GRID2IP: variants seen among roughly 807,000 people sequenced by gnomAD.
GRID2IP encodes Grid2 interacting protein, also known as delphilin.
GRID2IP carries 78 observed loss-of-function variants against 114.3 expected under a neutral mutation model. That is an observed-to-expected ratio of 0.68 (90% CI 0.57 to 0.82). The LOEUF (loss-of-function observed/expected upper bound fraction) is 0.82. GRID2IP is among the 40% of genes least tolerant of loss of function. The probability of loss-of-function intolerance (pLI) is 0.00; values close to 1 mark genes in which losing one functional copy is unlikely to be tolerated. For synonymous variants in GRID2IP, 809 were observed against 724.0 expected (o/e 1.12, Z -1.89); for missense variants, 1,727 against 1,678.5 (o/e 1.03, Z -0.51).
At chr7:6,549,029 A>C (rs1779929248) in intron 1 of GRID2IP, among the ~76,000 whole-genome samples, 1 of 152,102 alleles carries the variant, frequency 6.6e-6, no homozygotes, top group African/African-American at 2.4e-5. Flanking sequence ...TAGTGAAATA[A>C]AGGCCTTAGG....
Position 6,536,378 on chromosome 7 carries a change from C to T in GRID2IP, c.584+3340G>A, listed in dbSNP as rs1233693355. ...CCAGGTGTCCAGGGCTCCCGCTGCC[C>T]AGGCTCTAAATCGAGCGCGCCCAAG... On this transcript the variant is annotated intron_variant, in intron 2 of 21. Coordinates refer to ENST00000457091, the MANE Select transcript of GRID2IP (RefSeq NM_001145118.2). The surrounding 1 kb of genome is among the most constrained non-coding windows in gnomAD (Gnocchi z 5.3). 6.6e-6 allele frequency among the ~76,000 whole-genome samples: 1 copy of T among 152,254 alleles called. No homozygotes were observed. Among genetic ancestry groups the T allele is most frequent in the Non-Finnish European group, 1.5e-5 (1 of 68,050 alleles).
Position 6,526,599 on chromosome 7 carries a change from G to A in GRID2IP, c.755C>T (p.Pro252Leu), listed in dbSNP as rs1413542468. ...LLVSTRASAP[P>L]RRPDEPPPRR... ...CGGGGGCGGCTCATCGGGGCGGCGC[G>A]GCGGGGCGCTGGCGCGCGTGGACAC... is the stretch of plus-strand genomic sequence containing the variant. The change falls in exon 3 of 22, where the codon CCG becomes CTG. Residue 252 changes from proline (P) to leucine (L), a missense_variant. Transcript: ENST00000457091. This position sits in a 1 kb window ranked among gnomAD's most constrained non-coding sequence, Gnocchi z 7.6. 1.8e-5 allele frequency: 21 copies of A among 1,192,870 alleles called. No individual in the cohort carries two copies. The highest frequency in any genetic ancestry group is 3.3e-4 in the Middle Eastern group (1 of 3,028). The allele number at this position is 1,192,870 out of a possible 1,614,324, so 73.9% of individuals were successfully genotyped here.
chr7:6,504,670 G>T, intron 15 of GRID2IP, 123 bp downstream of exon 15: 1 of 747,974 alleles, frequency 1.3e-6, no homozygotes, highest in Non-Finnish European at 2.2e-6. Context: ...CCTTCACCGC[G>T]CTGAGCGACA....
chr7:6,520,684 T>C lies in GRID2IP; in HGVS notation c.1162A>G (p.Ser388Gly). 1.9e-6 allele frequency: 3 copies of C among 1,551,666 alleles called. No homozygotes were observed. Among genetic ancestry groups the C allele is most frequent in the Non-Finnish European group, 2.6e-6 (3 of 1,146,988 alleles). ...LQWVAEILPS[S>G]IRVQGRTFSQ... is the part of the protein sequence containing the mutation. ...AAGGTCCTCCCTTGGACCCGGATGC[T>C]GGACGGCAGGATCTCCGCCACCCAC... Residue 388 changes from serine to glycine, a missense_variant, in exon 7 of 22, where the codon AGC becomes GGC. Physicochemically the swap from Ser to Gly is moderately conservative, Grantham distance 56 (BLOSUM62 0). Coordinates refer to ENST00000457091, the MANE Select transcript of GRID2IP (RefSeq NM_001145118.2). The surrounding 1 kb of genome is among the most constrained non-coding windows in gnomAD (Gnocchi z 4.6).
rs926403510 is a variant in GRID2IP at position 6,499,040 on chromosome 7, G to A, written c.3400-812C>T. Among the ~76,000 whole-genome samples the A allele has an allele frequency of 7.2e-5, 11 of 152,182 alleles. 1 individual carries two copies. In the East Asian group the frequency reaches 1.9e-3, roughly 27 times the overall value. On this transcript the variant is annotated intron_variant, in intron 20 of 21. Transcript: ENST00000457091. ...GTCAGTCTTGCAAAAAGATTCAGTG[G>A]CTGAATCGCTATCATTTTTTCAGCA...
rs1786465712 is a variant in GRID2IP at position 6,503,155 on chromosome 7, T to C, written c.2916A>G (p.Ser972=). Reference sequence around the variant, plus strand: ...GCAGGCGTGTCTTGTATTCGGGAACTGACAGCATCTGCCTCGAAGGCAGAG... The same window carrying C: ...GCAGGCGTGTCTTGTATTCGGGAACCGACAGCATCTGCCTCGAAGGCAGAG... ...EPDQFVLQML[S]VPEYKTRLRS... Residue 972 remains serine, a synonymous_variant, in exon 17 of 22, where the codon TCA becomes TCG. Coordinates refer to ENST00000457091, the MANE Select transcript of GRID2IP (RefSeq NM_001145118.2). 3 of 1,524,114 alleles carry C rather than the reference T, an allele frequency of 2.0e-6. No homozygotes were observed. Among genetic ancestry groups the C allele is most frequent in the African/African-American group, 1.4e-5 (1 of 72,342 alleles). The allele number at this position is 1,524,114 out of a possible 1,614,324, so 94.4% of individuals were successfully genotyped here.
rs1255382415 is a variant in GRID2IP at position 6,508,110 on chromosome 7, C to T, written c.2419G>A (p.Val807Met). The change falls in exon 13 of 22, where the codon GTG (valine) becomes ATG (methionine). Residue 807 changes from valine to methionine, a missense_variant. By Grantham distance (21) the Val-to-Met change is conservative (BLOSUM62 1). Coordinates refer to ENST00000457091, the MANE Select transcript of GRID2IP (RefSeq NM_001145118.2). The surrounding 1 kb of genome is among the most constrained non-coding windows in gnomAD (Gnocchi z 5.6). ...PPPPPPLPPP[V>M]PCAPPMLSRG... ...GACAGCATGGGGGGTGCACAGGGCA[C>T]GGGTGGGGGCAGGGGCGGTGGGGGT... is the stretch of plus-strand genomic sequence containing the variant. The T allele has an allele frequency of 2.3e-4, 78 of 343,638 alleles. No individual in the cohort carries two copies. Among genetic ancestry groups the T allele is most frequent in the South Asian group, 9.0e-4 (31 of 34,326 alleles). 21.3% of individuals were successfully genotyped at this position (343,638 alleles called of 1,614,324 possible). A position where few individuals can be genotyped will look rare whatever the true frequency, so the allele number is the denominator to read the frequency against.
intron 18 of GRID2IP, 97 bp from the exon 19 acceptor site, chr7:6,502,215 A>C: frequency 8.3e-7 from 1 of 1,207,978 alleles, no homozygotes; most frequent in Non-Finnish European, 1.2e-6. Flanking sequence ...ATCAATGATG[A>C]ATTCTTGGCG....
At position 6,521,450 on chromosome 7, in the gene GRID2IP, C is replaced by T; in HGVS notation, c.1063G>A (p.Gly355Arg). ...GAMPTLVVEE[G>R]LVPFASDSDS... The stretch of plus-strand genomic sequence containing the variant: ...TCACCACTGGCAAATGGGACGAGCC[C>T]TTCCTCCACCACCAGCGTGGGCATG... Residue 355 changes from glycine to arginine, a missense_variant, in exon 6 of 22, where the codon GGG becomes AGG. By Grantham distance (125) the Gly-to-Arg change is moderately radical. Coordinates refer to ENST00000457091, the MANE Select transcript of GRID2IP (RefSeq NM_001145118.2). This position sits in a 1 kb window ranked among gnomAD's most constrained non-coding sequence, Gnocchi z 4.1. 12 of 1,548,338 alleles carry T rather than the reference C, an allele frequency of 7.8e-6. No homozygotes were observed. The highest frequency in any genetic ancestry group is 1.0e-5 in the Non-Finnish European group (12 of 1,145,320).
intron 10 of GRID2IP, 36 bp from the exon 11 acceptor site, chr7:6,510,436 C>A: frequency 6.9e-7 from 1 of 1,453,442 alleles, no homozygotes; most frequent in Non-Finnish European, 9.2e-7. Flanking sequence ...GCCCATTCTG[C>A]TTCCCCTCGT....
intron 20 of GRID2IP, 35 bp downstream of exon 20, chr7:6,501,746 C>T: frequency 1.3e-6 from 2 of 1,486,558 alleles, no homozygotes; most frequent in South Asian, 1.2e-5. Context: ...CCCCAGGATC[C>T]AGCCTGGTGC....
chr7:6,538,944 G>T (rs912746419), intron 2 of GRID2IP, among the ~76,000 whole-genome samples: 5 of 152,012 alleles, frequency 3.3e-5, no homozygotes, highest in African/African-American at 1.2e-4. Flanking sequence ...GAAATCAAAG[G>T]GCCAAGAGCA....
intron 1 of GRID2IP, among the ~76,000 whole-genome samples, chr7:6,549,217 GTT>G (rs1490438765): frequency 6.6e-6 from 1 of 152,174 alleles, no homozygotes; most frequent in Non-Finnish European, 1.5e-5. Context: ...TAAATGGCAG[GTT>G]CCTGCAAATC....
intron 4 of GRID2IP, among the ~76,000 whole-genome samples, chr7:6,524,842 G>C (rs1196073939): frequency 6.6e-6 from 1 of 151,546 alleles, no homozygotes; most frequent in Non-Finnish European, 1.5e-5. Context: ...TCAGCCTCCC[G>C]AGTAGCTGGG....
At position 6,523,198 on chromosome 7, in the gene GRID2IP, G is replaced by T. The variant is rs1307398895; in HGVS notation, c.920-1241C>A. 6.6e-6 allele frequency among the ~76,000 whole-genome samples: 1 copy of T among 152,168 alleles called. No homozygotes were observed. The highest frequency in any genetic ancestry group is 1.5e-5 in the Non-Finnish European group (1 of 68,032). On this transcript the variant is annotated intron_variant, in intron 4 of 21. Coordinates refer to ENST00000457091, the MANE Select transcript of GRID2IP (RefSeq NM_001145118.2). The surrounding 1 kb of genome is among the most constrained non-coding windows in gnomAD (Gnocchi z 4.5). ...AATAAAATATACTCTCAGATTGCGA[G>T]AAGTTCTCTCTGGGGGAAGTGGAAA...
Position 6,509,656 on chromosome 7 carries a change from G to A in GRID2IP, c.1772-343C>T, listed in dbSNP as rs750308008. Among the ~76,000 whole-genome samples, 16 of 152,122 alleles carry A rather than the reference G, an allele frequency of 1.1e-4. No individual in the cohort carries two copies. Among genetic ancestry groups the A allele is most frequent in the Non-Finnish European group, 2.1e-4 (14 of 67,996 alleles). ...GAGCCACAGTCATGGAGCGTCTCGC[G>A]CACCCAGCAAGCCCTGAGATCACAG... On this transcript the variant is annotated intron_variant, in intron 11 of 21. Coordinates refer to ENST00000457091, the MANE Select transcript of GRID2IP (RefSeq NM_001145118.2). This position sits in a 1 kb window ranked among gnomAD's most constrained non-coding sequence, Gnocchi z 4.9.
intron 7 of GRID2IP, 63 bp from the exon 8 acceptor site, chr7:6,514,592 G>A: frequency 7.2e-7 from 1 of 1,379,988 alleles, no homozygotes; most frequent in Non-Finnish European, 9.5e-7. Flanking sequence ...GCACAGAGTG[G>A]GGGTAGACAA....
chr7:6,511,443 G>C (rs1424050611), intron 8 of GRID2IP, among the ~76,000 whole-genome samples: 1 of 152,096 alleles, frequency 6.6e-6, no homozygotes, highest in Non-Finnish European at 1.5e-5. Flanking sequence ...TGCAATCTCA[G>C]CTCACTGCAA....
intron 4 of GRID2IP, among the ~76,000 whole-genome samples, chr7:6,525,985 TG>T (rs1015698491): frequency 1.3e-5 from 2 of 151,912 alleles, no homozygotes; most frequent in African/African-American, 2.4e-5. Context: ...GGGGCAGGGG[TG>T]GGGTGCCCCA....
Sources: allele counts gnomAD v4.1 joint callset (sites outside exome capture counted in the v4.1 genomes callset), GRCh38; gene constraint gnomAD v4.1.1; non-coding constraint Gnocchi (gnomAD v3.1); transcripts MANE v1.5; gene names NCBI Gene and HGNC (gene_info 2026-07-23, HGNC 2026-07-21).